Variants in NADSYN1 observed in about 807,000 individuals in gnomAD.
The protein encoded by NADSYN1 is NAD synthetase 1.
Under a neutral mutation model 99.3 loss-of-function variants are expected in NADSYN1, and 80 were observed. The observed-to-expected ratio is 0.81, with a 90% confidence interval of 0.67 to 0.97. The LOEUF is 0.97. NADSYN1 is among the 50% of genes least tolerant of loss of function. The pLI is 0.00. For missense variants in NADSYN1, 859 were observed against 948.5 expected, an observed-to-expected ratio of 0.91 and a Z score of 1.24; for synonymous variants, 385 against 372.1, an observed-to-expected ratio of 1.03 and a Z score of -0.40.
intron 3 of NADSYN1, 129 bp from the exon 4 acceptor site, chr11:71,463,303 C>A (rs1949562621): frequency 1.2e-6 from 1 of 816,018 alleles, no homozygotes; most frequent in Non-Finnish European, 2.0e-6. Flanking sequence ...CCTTGCAGTT[C>A]TCCGAAGGGA....
Position 71,453,228 on chromosome 11 carries a change from C to T in NADSYN1, c.-69C>T, listed in dbSNP as rs1591118579. ...AACCCGGAAGGTCCGGCGTCCCAGC[C>T]GCCTACCTCGCTGGGACCCTGGTCT... On this transcript the variant is annotated 5_prime_UTR_variant, in exon 1 of 21. Coordinates refer to ENST00000319023, the MANE Select transcript of NADSYN1 (RefSeq NM_018161.5). 1.4e-6 allele frequency: 2 copies of T among 1,412,748 alleles called. No homozygotes were observed. The highest frequency in any genetic ancestry group is 2.4e-5 in the South Asian group (2 of 83,550). 87.5% of individuals were successfully genotyped at this position (1,412,748 alleles called of 1,614,324 possible).
At chr11:71,471,773 C>G (rs145569310) in intron 5 of NADSYN1, among the ~76,000 whole-genome samples, 1 of 152,154 alleles carries the variant, frequency 6.6e-6, no homozygotes, top group African/African-American at 2.4e-5. Flanking sequence ...GTTTCTCAAC[C>G]TTTAACATTT....
intron 16 of NADSYN1, among the ~76,000 whole-genome samples, chr11:71,486,224 T>C (rs1591133391): frequency 6.6e-6 from 1 of 152,354 alleles, no homozygotes; most frequent in East Asian, 1.9e-4. Flanking sequence ...TAGTTGCTCC[T>C]TAGGAGCTGA....
chr11:71,491,998 A>AACTGTG (rs565815061), intron 18 of NADSYN1, 95 bp downstream of exon 18: 32 of 1,192,512 alleles, frequency 2.7e-5, no homozygotes, highest in South Asian at 8.4e-5. Context: ...TGACCCCAGG[A>AACTGTG]CAGCTGCATC....
intron 5 of NADSYN1, among the ~76,000 whole-genome samples, chr11:71,464,949 C>G (rs1949578143): frequency 6.6e-6 from 1 of 151,846 alleles, no homozygotes; most frequent in Admixed American, 6.6e-5. Flanking sequence ...TCCCTGCCCC[C>G]AGACCCTATT....
intron 15 of NADSYN1, chr11:71,484,735 G>A (rs1949730980): frequency 1.3e-5 from 5 of 394,300 alleles, no homozygotes; most frequent in Middle Eastern, 7.5e-4. Flanking sequence ...TCGAGTGTGT[G>A]CATGAGCCTG....
intron 15 of NADSYN1, 132 bp downstream of exon 15, chr11:71,484,579 A>G: frequency 7.5e-7 from 1 of 1,339,428 alleles, no homozygotes; most frequent in African/African-American, 1.5e-5. Flanking sequence ...TTACCTAGGG[A>G]CAGCCAGTGC....
chr11:71,468,247 G>A (rs763782644), intron 5 of NADSYN1, among the ~76,000 whole-genome samples: 8 of 152,206 alleles, frequency 5.3e-5, no homozygotes, highest in Non-Finnish European at 8.8e-5. Flanking sequence ...CCTAGCAGAA[G>A]CCTCGAAATT....
intron 9 of NADSYN1, chr11:71,475,958 C>T (rs982108937): frequency 3.3e-5 from 15 of 451,152 alleles, no homozygotes; most frequent in Admixed American, 1.7e-4. Flanking sequence ...AGGCAATCCA[C>T]GCACCTCAGC....
At chr11:71,497,356 C>A (rs1172702712) in intron 18 of NADSYN1, 127 bp from the exon 19 acceptor site, 1 of 1,234,868 alleles carries the variant, frequency 8.1e-7, no homozygotes, top group Non-Finnish European at 1.1e-6. Context: ...TAAAGCCCAC[C>A]TCTGCTCCTG....
chr11:71,496,955 A>G (rs1949824300), intron 18 of NADSYN1: 1 of 156,968 alleles, frequency 6.4e-6, no homozygotes, highest in Non-Finnish European at 1.4e-5. Flanking sequence ...GGCTCACTGC[A>G]GCCTTGATGT....
intron 5 of NADSYN1, among the ~76,000 whole-genome samples, chr11:71,465,714 T>C (rs1207234075): frequency 1.3e-5 from 2 of 152,260 alleles, no homozygotes; most frequent in Non-Finnish European, 2.9e-5. Context: ...CCATTTTTAT[T>C]ACAGTTATTT....
chr11:71,477,228 T>C (rs1426712307), intron 9 of NADSYN1: 42 of 1,201,006 alleles, frequency 3.5e-5, no homozygotes, highest in Non-Finnish European at 4.2e-5. Flanking sequence ...TGCGGCAGGC[T>C]GTTAACCTAG....
chr11:71,476,446 A>G (rs1014145101), intron 9 of NADSYN1: 2 of 262,212 alleles, frequency 7.6e-6, no homozygotes, highest in African/African-American at 4.5e-5. Context: ...TCTGCACAGC[A>G]TAGGTGTGGT....
At chr11:71,486,761 C>T (rs1949745510) in intron 16 of NADSYN1, among the ~76,000 whole-genome samples, 1 of 151,080 alleles carries the variant, frequency 6.6e-6, no homozygotes, top group African/African-American at 2.4e-5. Context: ...CCCTTCCATC[C>T]ATCTATCCCT....
intron 5 of NADSYN1, 136 bp downstream of exon 5, chr11:71,464,278 A>G: frequency 1.4e-6 from 1 of 699,744 alleles, no homozygotes; most frequent in South Asian, 2.0e-5. Context: ...AATGGGACAA[A>G]AAGCACAAAG....
chr11:71,498,228 C>T (rs1056448816), intron 19 of NADSYN1, 124 bp from the exon 20 acceptor site: 13 of 1,089,394 alleles, frequency 1.2e-5, no homozygotes, highest in East Asian at 5.2e-5. Context: ...CACCTGCCAT[C>T]GTGGAAGGTC....
chr11:71,484,880 A>AGT (rs933461737), intron 15 of NADSYN1: 1 of 199,738 alleles, frequency 5.0e-6, no homozygotes, highest in East Asian at 1.2e-4. Flanking sequence ...TGCAAAAGCA[A>AGT]GTGTGAGTGT....
chr11:71,484,566 C>T (rs997480085), intron 15 of NADSYN1, 119 bp downstream of exon 15: 3 of 1,400,812 alleles, frequency 2.1e-6, no homozygotes, highest in African/African-American at 1.4e-5. Flanking sequence ...CTCATGGCAC[C>T]GGTTACCTAG....
Sources: allele counts gnomAD v4.1 joint callset (sites outside exome capture counted in the v4.1 genomes callset), GRCh38; gene constraint gnomAD v4.1.1; transcripts MANE v1.5; gene names NCBI Gene and HGNC (gene_info 2026-07-23, HGNC 2026-07-21).